Variants in NOMO2 observed in about 807,000 individuals in gnomAD.
The protein encoded by NOMO2 is BOS complex subunit NOMO2.
A neutral mutation model predicts 67.1 loss-of-function variants in NOMO2; 14 were observed. The observed-to-expected ratio is 0.21, with a 90% CI of 0.14 to 0.33. The LOEUF (loss-of-function observed/expected upper bound fraction) is 0.33, where lower values mean the gene tolerates loss of function less well. Among genes scored for constraint, NOMO2 ranks in the 10% least tolerant of loss-of-function variants. NOMO2 has a pLI of 1.00. For missense variants in NOMO2, 178 were observed against 761.0 expected, an observed-to-expected ratio of 0.23 and a Z score of 9.01; for synonymous variants, 80 against 305.9, an observed-to-expected ratio of 0.26 and a Z score of 7.71.
chr16:18,535,241 C>T (rs1362922950), intron 11 of NOMO2, among the ~76,000 whole-genome samples: 7 of 149,016 alleles, frequency 4.7e-5, no homozygotes, highest in Admixed American at 1.3e-4. Context: ...CACTTGAACC[C>T]GAGAGGCGGA....
chr16:18,528,793 C>T (rs985469982), intron 15 of NOMO2, among the ~76,000 whole-genome samples: 3 of 146,178 alleles, frequency 2.1e-5, no homozygotes, highest in African/African-American at 7.5e-5. Context: ...CTGTCTCTAA[C>T]AAAAATACAA....
intron 11 of NOMO2, among the ~76,000 whole-genome samples, chr16:18,537,232 C>T (rs1901445272): frequency 1.3e-5 from 2 of 151,984 alleles, no homozygotes; most frequent in African/African-American, 4.8e-5. Context: ...ACCTAACTGG[C>T]TTCTCTTTCT....
At chr16:18,559,675 G>T (rs1042360919) in intron 1 of NOMO2, among the ~76,000 whole-genome samples, 11 of 151,968 alleles carry the variant, frequency 7.2e-5, no homozygotes, top group South Asian at 2.1e-4. Context: ...TTTAGTGCAG[G>T]GACTGGAAAT....
intron 1 of NOMO2, chr16:18,558,742 C>A: frequency 2.3e-6 from 1 of 435,002 alleles, no homozygotes; most frequent in Non-Finnish European, 4.7e-6. Context: ...CTGAGTCTTC[C>A]ACGTGTTGTG....
intron 2 of NOMO2, among the ~76,000 whole-genome samples, chr16:18,556,827 T>A (rs1901916063): frequency 1.3e-5 from 2 of 152,026 alleles, no homozygotes; most frequent in Non-Finnish European, 1.5e-5. Flanking sequence ...AGGATGCCCA[T>A]CAAAATTTTA....
In NOMO2 at chr16:18,543,602, C is replaced by A. The variant is rs568267046; in HGVS notation, c.735+15G>T. On this transcript the variant is annotated intron_variant, in intron 7 of 30. Coordinates refer to ENST00000622306, the MANE Select transcript of NOMO2 (RefSeq NM_173614.4). Reference sequence around the variant, plus strand: ...TACCCTTCACACCATCTCTTTTGTTCTTTTCTTTGCTTACCTCTTTAGTTA... The same window carrying A: ...TACCCTTCACACCATCTCTTTTGTTATTTTCTTTGCTTACCTCTTTAGTTA... 22 of 1,611,454 alleles carry A rather than the reference C, an allele frequency of 1.4e-5. No individual in the cohort carries two copies. The Admixed American group carries it at 3.2e-4, about 23-fold the overall frequency.
intron 11 of NOMO2, among the ~76,000 whole-genome samples, chr16:18,536,981 C>G (rs1348348748): frequency 6.6e-6 from 1 of 151,984 alleles, no homozygotes; most frequent in Non-Finnish European, 1.5e-5. Context: ...TTGGGCCCTA[C>G]CTCCTACCCC....
rs369292786 is a variant in NOMO2 at position 18,550,673 on chromosome 16, C to G, written c.402+766G>C. ...CACCCGTTAGGACTCTAAATTCACA[C>G]CACCGTGGCGGTCCAAAAAAATCTC... On this transcript the variant is annotated intron_variant, in intron 4 of 30. Transcript: ENST00000622306. Among the ~76,000 whole-genome samples the G allele has an allele frequency of 3.9e-5, 6 of 152,164 alleles. No homozygotes were observed. In the East Asian group the frequency reaches 1.2e-3, roughly 29 times the overall value.
chr16:18,541,798 T>C (rs2141736469), intron 9 of NOMO2, among the ~76,000 whole-genome samples: 1 of 137,404 alleles, frequency 7.3e-6, no homozygotes, highest in African/African-American at 2.7e-5. Context: ...GATGAGATCG[T>C]ACCACTGCAC....
intron 2 of NOMO2, among the ~76,000 whole-genome samples, chr16:18,557,106 G>A (rs1468001864): frequency 1.1e-4 from 17 of 151,376 alleles, no homozygotes; most frequent in African/African-American, 3.6e-4. Context: ...CAGCCTGGGC[G>A]ACAGAGCGAG....
chr16:18,540,760 C>CT (rs1901532589), intron 9 of NOMO2, among the ~76,000 whole-genome samples: 1 of 132,990 alleles, frequency 7.5e-6, no homozygotes, highest in Admixed American at 8.1e-5. Flanking sequence ...TTCGATAACT[C>CT]TAACATTGGG....
intron 1 of NOMO2, among the ~76,000 whole-genome samples, chr16:18,561,192 A>C (rs1325019140): frequency 7.0e-6 from 1 of 143,408 alleles, no homozygotes; most frequent in East Asian, 2.1e-4. Flanking sequence ...AAAAAAAAAA[A>C]AAAAAAAAAA....
At chr16:18,544,755 C>A (rs1487831116) in intron 6 of NOMO2, among the ~76,000 whole-genome samples, 2 of 151,818 alleles carry the variant, frequency 1.3e-5, no homozygotes, top group Non-Finnish European at 2.9e-5. Flanking sequence ...TTAAGTTGTT[C>A]TTTTCACAAT....
intron 11 of NOMO2, among the ~76,000 whole-genome samples, chr16:18,535,152 C>T (rs1382073058): frequency 5.4e-5 from 7 of 129,076 alleles, no homozygotes; most frequent in East Asian, 4.4e-4. Flanking sequence ...CTAGCCAACA[C>T]GGCAAAACCA....
chr16:18,544,822 C>T (rs987292589), intron 6 of NOMO2, among the ~76,000 whole-genome samples: 2 of 151,642 alleles, frequency 1.3e-5, no homozygotes, highest in Admixed American at 6.6e-5. Flanking sequence ...GAAAAGTGTA[C>T]AGATTCTAAG....
Position 18,560,633 on chromosome 16 carries a change from C to A in NOMO2, c.165+1243G>T, listed in dbSNP as rs540032702. ...CTCTTCAGCCTGAAAAAGCAGCAAA[C>A]AACGGGGCCTTGAAGAAGATCACGG... is the stretch of plus-strand genomic sequence containing the variant. On this transcript the variant is annotated intron_variant, in intron 1 of 30. Transcript: ENST00000622306. Among the ~76,000 whole-genome samples, 107 of 151,966 alleles carry A rather than the reference C, an allele frequency of 7.0e-4. 1 individual carries two copies. Among genetic ancestry groups the A allele is most frequent in the African/African-American group, 2.3e-3 (97 of 41,416 alleles).
chr16:18,552,791 G>C lies in NOMO2; in HGVS notation c.302-1252C>G, dbSNP rs1465470610. 1.3e-3 allele frequency among the ~76,000 whole-genome samples: 189 copies of C among 148,144 alleles called. 1 individual carries two copies. Among genetic ancestry groups the C allele is most frequent in the African/African-American group, 4.7e-3 (176 of 37,810 alleles). On this transcript the variant is annotated intron_variant, in intron 3 of 30. Coordinates refer to ENST00000622306, the MANE Select transcript of NOMO2 (RefSeq NM_173614.4). The stretch of plus-strand genomic sequence containing the variant: ...TGGATGTTTGCAAACACCTAAAGCT[G>C]AGCATGTATCAGCTCTATGGCTCAG...
rs1901119954 is a variant in NOMO2, at chr16:18,525,272, T to C, written c.1895-720A>G. On this transcript the variant is annotated intron_variant, in intron 16 of 30. Coordinates refer to ENST00000622306, the MANE Select transcript of NOMO2 (RefSeq NM_173614.4). Reference sequence around the variant, plus strand: ...TCTGTTTGTTTTGTTTGGTCTTTCATTCAACAAATATCGACAGAGCACCTC... The same window carrying C: ...TCTGTTTGTTTTGTTTGGTCTTTCACTCAACAAATATCGACAGAGCACCTC... Among the ~76,000 whole-genome samples, 3 of 150,870 alleles carry C rather than the reference T, an allele frequency of 2.0e-5. No homozygotes were observed. The South Asian group carries it at 6.4e-4, about 32-fold the overall frequency.
intron 9 of NOMO2, among the ~76,000 whole-genome samples, chr16:18,540,689 C>T (rs913369620): frequency 6.7e-6 from 1 of 149,532 alleles, no homozygotes; most frequent in African/African-American, 2.5e-5. Flanking sequence ...CCAGTTTAAG[C>T]GATTTTAACA....
Sources: allele counts gnomAD v4.1 joint callset (sites outside exome capture counted in the v4.1 genomes callset), GRCh38; gene constraint gnomAD v4.1.1; transcripts MANE v1.5; gene names NCBI Gene and HGNC (gene_info 2026-07-23, HGNC 2026-07-21).